The following CNTN1 variants were observed in gnomAD, a reference collection of about 807,000 sequenced individuals.
CNTN1 encodes contactin 1.
CNTN1 carries 38 observed loss-of-function variants against 126.4 expected under a neutral mutation model. The ratio of observed to expected loss-of-function variants is 0.30; its 90% CI spans 0.23 to 0.39. CNTN1 has a LOEUF of 0.39. Ranked by LOEUF, CNTN1 falls within the 10% of genes least tolerant of loss-of-function variation. CNTN1 has a pLI of 1.00. For missense variants in CNTN1, 1,009 were observed against 1,248.4 expected (o/e 0.81, Z 2.89); for synonymous variants, 413 against 422.6 (o/e 0.98, Z 0.28).
In CNTN1 at chr12:40,906,032, T is replaced by C. The variant is rs185893998; in HGVS notation, c.-76-2325T>C. On this transcript the variant is annotated intron_variant, in intron 1 of 23. Coordinates refer to ENST00000551295, the MANE Select transcript of CNTN1 (RefSeq NM_001843.4). ...GGCTCACGCCTGTAATCCCAGCACTTTGGGAGGCCGAGGCGGGCGGATCAC... is the reference window on the plus strand; with the variant it reads ...GGCTCACGCCTGTAATCCCAGCACTCTGGGAGGCCGAGGCGGGCGGATCAC... Among the ~76,000 whole-genome samples the C allele has an allele frequency of 8.5e-4, 130 of 152,332 alleles. 1 individual carries two copies. In the East Asian group the frequency reaches 0.023, roughly 27 times the overall value.
chr12:40,772,039 T>C (rs1939359008), intron 1 of CNTN1, among the ~76,000 whole-genome samples: 1 of 151,938 alleles, frequency 6.6e-6, no homozygotes, highest in South Asian at 2.1e-4. Context: ...TCAAGTAAAT[T>C]TACTGGAGGA....
At chr12:40,992,182 A>T (rs1279404324) in intron 16 of CNTN1, among the ~76,000 whole-genome samples, 1 of 152,218 alleles carries the variant, frequency 6.6e-6, no homozygotes, top group Non-Finnish European at 1.5e-5. Flanking sequence ...TAGCAGAGTT[A>T]AAATTATGGC....
intron 23 of CNTN1, among the ~76,000 whole-genome samples, chr12:41,057,016 AAATG>A (rs1249072235): frequency 0.044 from 3,327 of 75,014 alleles, 225 homozygotes; most frequent in Non-Finnish European, 0.058. Flanking sequence ...AGATATTTAT[AAATG>A]ATATTTATAA....
chr12:40,892,376 A>T (rs999476817), intron 1 of CNTN1, among the ~76,000 whole-genome samples: 13 of 152,138 alleles, frequency 8.5e-5, no homozygotes, highest in African/African-American at 3.1e-4. Context: ...TGTGTATTCC[A>T]GATGAATCCA....
intron 1 of CNTN1, among the ~76,000 whole-genome samples, chr12:40,775,712 T>G (rs543433331): frequency 6.6e-6 from 1 of 151,770 alleles, no homozygotes; most frequent in African/African-American, 2.4e-5. Context: ...AAGACAGAGT[T>G]ACATAATAAA....
At chr12:40,696,243 T>A (rs1340716421) in intron 1 of CNTN1, among the ~76,000 whole-genome samples, 1 of 152,356 alleles carries the variant, frequency 6.6e-6, no homozygotes, top group African/African-American at 2.4e-5. Flanking sequence ...TAAACTGGCT[T>A]TTATCAATGG....
intron 1 of CNTN1, among the ~76,000 whole-genome samples, chr12:40,784,394 T>C (rs1565730643): frequency 6.6e-6 from 1 of 152,122 alleles, no homozygotes; most frequent in African/African-American, 2.4e-5. Context: ...ATGGAACTTA[T>C]ATACAGGCAA....
chr12:40,754,813 G>A (rs1197469365), intron 1 of CNTN1, among the ~76,000 whole-genome samples: 1 of 151,900 alleles, frequency 6.6e-6, no homozygotes, highest in Non-Finnish European at 1.5e-5. Context: ...TCTACTCTGT[G>A]AAAAAGAACT....
chr12:40,871,238 T>C (rs1319996670), intron 1 of CNTN1, among the ~76,000 whole-genome samples: 1 of 141,166 alleles, frequency 7.1e-6, no homozygotes. Flanking sequence ...TAGAGGATGA[T>C]AAACACAGGG....
intron 5 of CNTN1, among the ~76,000 whole-genome samples, chr12:40,924,252 A>C (rs1945550478): frequency 6.6e-6 from 1 of 152,058 alleles, no homozygotes; most frequent in Admixed American, 6.6e-5. Flanking sequence ...AGATACCCTG[A>C]CTGAGATTCT....
At position 41,034,471 on chromosome 12, in the gene CNTN1, G is replaced by A. The variant is rs144404982; in HGVS notation, c.2980+5252G>A. Among the ~76,000 whole-genome samples the A allele has an allele frequency of 3.6e-4, 55 of 152,220 alleles. 1 individual carries two copies. The East Asian group carries it at 0.01, about 29-fold the overall frequency. ...CTCCCTTCTCCATTTCCTAAGTATTGCAGTGTAAGAGGGACAAGAGGATAG... is the reference window on the plus strand; with the variant it reads ...CTCCCTTCTCCATTTCCTAAGTATTACAGTGTAAGAGGGACAAGAGGATAG... On this transcript the variant is annotated intron_variant, in intron 23 of 23. Transcript: ENST00000551295.
At chr12:41,002,339 T>C (rs985180494) in intron 17 of CNTN1, among the ~76,000 whole-genome samples, 6 of 152,126 alleles carry the variant, frequency 3.9e-5, no homozygotes, top group African/African-American at 1.2e-4. Flanking sequence ...GTTCTCCTTG[T>C]AGAGATATTC....
intron 3 of CNTN1, among the ~76,000 whole-genome samples, chr12:40,914,234 T>C (rs1471410727): frequency 2.0e-5 from 3 of 152,162 alleles, no homozygotes; most frequent in African/African-American, 7.2e-5. Context: ...ACATAATGCT[T>C]ACATTACTGG....
intron 15 of CNTN1, chr12:40,971,420 C>A (rs1235350091): frequency 1.3e-6 from 2 of 1,591,932 alleles, no homozygotes; most frequent in Admixed American, 1.7e-5. Context: ...CAGCCTTGAT[C>A]TTTCCTCTTG....
chr12:41,056,594 G>C (rs149742211), intron 23 of CNTN1, among the ~76,000 whole-genome samples: 20 of 152,134 alleles, frequency 1.3e-4, no homozygotes, highest in African/African-American at 4.6e-4. Context: ...AAAATTTCTA[G>C]CACTCCAACT....
intron 1 of CNTN1, among the ~76,000 whole-genome samples, chr12:40,757,597 T>A (rs1231516969): frequency 6.6e-6 from 1 of 152,162 alleles, no homozygotes; most frequent in Non-Finnish European, 1.5e-5. Context: ...TATCTTTTGA[T>A]GTATTGGTTT....
At chr12:40,850,190 A>G (rs758577978) in intron 1 of CNTN1, among the ~76,000 whole-genome samples, 7 of 152,158 alleles carry the variant, frequency 4.6e-5, no homozygotes, top group Non-Finnish European at 1.0e-4. Flanking sequence ...CCTTCCATGG[A>G]CATGCCCTGT....
At chr12:40,782,644 G>A (rs1457571079) in intron 1 of CNTN1, among the ~76,000 whole-genome samples, 1 of 151,846 alleles carries the variant, frequency 6.6e-6, no homozygotes, top group East Asian at 1.9e-4. Context: ...TAGGAAAATT[G>A]GGTTACCCAA....
In CNTN1 at chr12:40,695,265, TA is replaced by T. The variant is rs537772189; in HGVS notation, c.-77+2674del. Among the ~76,000 whole-genome samples, 114 of 152,320 alleles carry T rather than the reference TA, an allele frequency of 7.5e-4. 1 individual carries two copies. The highest frequency in any genetic ancestry group is 2.6e-3 in the African/African-American group (110 of 41,582). On this transcript the variant is annotated intron_variant, in intron 1 of 23. Transcript: ENST00000551295. Reference sequence around the variant, plus strand: ...GATGGGTGCAGCAATGATTTGGGGATATTTTTTTGGTAGAAGGCTATGCCTT... The same window carrying T: ...GATGGGTGCAGCAATGATTTGGGGATTTTTTTTGGTAGAAGGCTATGCCTT...
Sources: allele counts gnomAD v4.1 joint callset (sites outside exome capture counted in the v4.1 genomes callset), GRCh38; gene constraint gnomAD v4.1.1; transcripts MANE v1.5; gene names NCBI Gene and HGNC (gene_info 2026-07-23, HGNC 2026-07-21).